Variants in FGF14 observed in about 807,000 individuals in gnomAD.
FGF14 encodes the protein fibroblast growth factor homologous factor 4.
FGF14 carries 5 observed loss-of-function variants against 25.5 expected under a neutral mutation model. The observed-to-expected ratio is 0.20, with a 90% confidence interval of 0.10 to 0.41. The LOEUF is 0.41. Ranked by LOEUF, FGF14 falls within the 10% of genes least tolerant of loss-of-function variation. The pLI is 1.00. For missense variants in FGF14, 222 were observed against 320.1 expected (o/e 0.69, Z 2.34); for synonymous variants, 138 against 118.3 (o/e 1.17, Z -1.08).
At chr13:102,331,365 T>C (rs910277004) in intron 1 of FGF14, among the ~76,000 whole-genome samples, 14 of 152,178 alleles carry the variant, frequency 9.2e-5, no homozygotes, top group African/African-American at 3.1e-4. Context: ...TGGACCCATA[T>C]TGGAAATGCT....
At chr13:101,751,752 ATC>A (rs753024957) in intron 3 of FGF14, among the ~76,000 whole-genome samples, 3 of 152,124 alleles carry the variant, frequency 2.0e-5, no homozygotes, top group Non-Finnish European at 4.4e-5. Context: ...AGTTGAGACC[ATC>A]TGACCCACAA....
intron 1 of FGF14, among the ~76,000 whole-genome samples, chr13:102,134,995 G>GT (rs1164621597): frequency 2.0e-5 from 3 of 149,224 alleles, no homozygotes; most frequent in Non-Finnish European, 4.4e-5. Context: ...ACCAGTCTGG[G>GT]TAACATAGGG....
intron 1 of FGF14, among the ~76,000 whole-genome samples, chr13:102,024,061 T>A (rs542927999): frequency 2.0e-4 from 31 of 152,226 alleles, no homozygotes; most frequent in African/African-American, 7.0e-4. Context: ...ACTTTTACAC[T>A]ATTATAAATA....
At chr13:102,399,955 T>C (rs1157261571) in intron 1 of FGF14, among the ~76,000 whole-genome samples, 4 of 152,184 alleles carry the variant, frequency 2.6e-5, no homozygotes, top group Non-Finnish European at 5.9e-5. Context: ...TAGGAGCCTC[T>C]GCCCTTTTAG....
At chr13:102,082,957 CA>C (rs955540108) in intron 1 of FGF14, among the ~76,000 whole-genome samples, 3 of 150,288 alleles carry the variant, frequency 2.0e-5, no homozygotes, top group Non-Finnish European at 4.4e-5. Context: ...GACTCCGTCT[CA>C]AAAAAAAGAA....
intron 1 of FGF14, among the ~76,000 whole-genome samples, chr13:101,959,147 A>G (rs1165244771): frequency 6.6e-6 from 1 of 152,162 alleles, no homozygotes; most frequent in Non-Finnish European, 1.5e-5. Context: ...GATCCCTCGC[A>G]TGCACAGTTC....
chr13:102,282,940 C>T (rs2053918574), intron 1 of FGF14, among the ~76,000 whole-genome samples: 5 of 151,292 alleles, frequency 3.3e-5, no homozygotes. Flanking sequence ...ATCTGAAAAA[C>T]GTTAGGATTC....
chr13:101,808,404 T>C (rs2041319959), intron 3 of FGF14, among the ~76,000 whole-genome samples: 1 of 152,208 alleles, frequency 6.6e-6, no homozygotes, highest in Admixed American at 6.5e-5. Flanking sequence ...GAAATGTGCA[T>C]TAATTAATTT....
chr13:101,846,952 T>A (rs1235160769), intron 3 of FGF14, among the ~76,000 whole-genome samples: 3 of 152,058 alleles, frequency 2.0e-5, no homozygotes, highest in African/African-American at 7.2e-5. Context: ...AAAATAAATC[T>A]GAATTCTCTT....
At chr13:101,986,925 CAT>C (rs1427007656) in intron 1 of FGF14, among the ~76,000 whole-genome samples, 4 of 135,656 alleles carry the variant, frequency 2.9e-5, no homozygotes, top group Admixed American at 2.3e-4. Context: ...TATACACACA[CAT>C]GTATGTGCAT....
chr13:102,084,594 G>A (rs2043801118), intron 1 of FGF14, among the ~76,000 whole-genome samples: 1 of 152,088 alleles, frequency 6.6e-6, no homozygotes, highest in African/African-American at 2.4e-5. Flanking sequence ...GGTCGGTTCT[G>A]GCATGGAGAA....
At chr13:101,908,792 A>C (rs1414902884) in intron 1 of FGF14, among the ~76,000 whole-genome samples, 1 of 152,188 alleles carries the variant, frequency 6.6e-6, no homozygotes, top group Non-Finnish European at 1.5e-5. Context: ...AGTCAATCCT[A>C]AAACAAAAGA....
rs75583689 is a variant in FGF14 at position 101,798,769 on chromosome 13, C to T, written c.408+69956G>A. 6.4e-3 allele frequency among the ~76,000 whole-genome samples: 974 copies of T among 152,186 alleles called. 10 individuals are homozygous for T. Among genetic ancestry groups the T allele is most frequent in the African/African-American group, 0.021 (891 of 41,532 alleles). ...TTTAGATATGTGCTTATTTAAGTCA[C>T]TGAAATGTAGGATTAAGGAAGTGAA... On this transcript the variant is annotated intron_variant, in intron 3 of 4. Coordinates refer to ENST00000376143, the MANE Select transcript of FGF14 (RefSeq NM_004115.4).
At chr13:101,785,447 A>G (rs1017721801) in intron 3 of FGF14, among the ~76,000 whole-genome samples, 1 of 151,718 alleles carries the variant, frequency 6.6e-6, no homozygotes, top group African/African-American at 2.4e-5. Flanking sequence ...ATATTAAAGT[A>G]GATAATATAA....
intron 1 of FGF14, among the ~76,000 whole-genome samples, chr13:101,882,565 A>G (rs1247552005): frequency 6.6e-6 from 1 of 151,148 alleles, no homozygotes; most frequent in East Asian, 1.9e-4. Context: ...TTTTTTTTAT[A>G]CATTTGCTTT....
At chr13:102,241,044 A>T (rs1185403807) in intron 1 of FGF14, among the ~76,000 whole-genome samples, 1 of 152,138 alleles carries the variant, frequency 6.6e-6, no homozygotes, top group African/African-American at 2.4e-5. Flanking sequence ...ATTAACATGA[A>T]TAAAGATGTT....
At chr13:101,900,961 C>G (rs757893260) in intron 1 of FGF14, among the ~76,000 whole-genome samples, 8 of 152,116 alleles carry the variant, frequency 5.3e-5, no homozygotes, top group Non-Finnish European at 1.2e-4. Context: ...CCCAAGTGCT[C>G]TACTCTAGGA....
At chr13:102,076,625 C>T (rs1346391940) in intron 1 of FGF14, among the ~76,000 whole-genome samples, 1 of 151,916 alleles carries the variant, frequency 6.6e-6, no homozygotes, top group Non-Finnish European at 1.5e-5. Flanking sequence ...AAATTGAAGA[C>T]ACAAATAAAT....
intron 3 of FGF14, among the ~76,000 whole-genome samples, chr13:101,772,935 T>G (rs1292228505): frequency 6.6e-6 from 1 of 152,162 alleles, no homozygotes; most frequent in Non-Finnish European, 1.5e-5. Context: ...ATAATCAATT[T>G]ACTCTGTTGA....
Sources: gnomAD v4.1 joint callset for allele counts (sites outside exome capture counted in the v4.1 genomes callset) on GRCh38, gnomAD v4.1.1 for gene constraint, MANE v1.5 for transcripts, NCBI Gene and HGNC (gene_info 2026-07-23, HGNC 2026-07-21) for gene names.